Variants in DGKB observed in about 807,000 individuals in gnomAD.
DGKB encodes the protein 90 kDa diacylglycerol kinase.
In DGKB, 67 loss-of-function variants were observed where a neutral mutation model predicts 114.3. The observed-to-expected ratio is 0.59, with a 90% CI of 0.48 to 0.72. The LOEUF (loss-of-function observed/expected upper bound fraction) is 0.72. Ranked by LOEUF, DGKB falls within the 30% of genes least tolerant of loss-of-function variation. The probability of loss-of-function intolerance (pLI) is 0.00; values close to 1 mark genes in which losing one functional copy is unlikely to be tolerated. For synonymous variants in DGKB, 398 were observed against 323.1 expected (o/e 1.23, Z -2.49); for missense variants, 907 against 975.2 (o/e 0.93, Z 0.93).
chr7:14,231,127 CTT>C (rs1554297195), intron 23 of DGKB, among the ~76,000 whole-genome samples: 1 of 125,100 alleles, frequency 8.0e-6, no homozygotes, highest in African/African-American at 3.1e-5. Flanking sequence ...TTCTTTCTTT[CTT>C]TCTTTCTTTC....
intron 14 of DGKB, among the ~76,000 whole-genome samples, chr7:14,629,366 A>G (rs1405860847): frequency 6.6e-6 from 1 of 151,980 alleles, no homozygotes; most frequent in Admixed American, 6.6e-5. Context: ...GTTAAAAATG[A>G]GAACTTTTTT....
Position 14,411,772 on chromosome 7 carries a change from T to C in DGKB, c.1836-66381A>G, listed in dbSNP as rs1444657539. 1.9e-4 allele frequency among the ~76,000 whole-genome samples: 2 copies of C among 10,674 alleles called. 1 individual carries two copies. Among genetic ancestry groups the C allele is most frequent in the Admixed American group, 1.3e-3 (2 of 1,566 alleles). 7.0% of individuals were successfully genotyped at this position (10,674 alleles called of 152,430 possible). A position where few individuals can be genotyped will look rare whatever the true frequency, so the allele number is the denominator to read the frequency against. On this transcript the variant is annotated intron_variant, in intron 21 of 25. Transcript: ENST00000402815. Reference sequence around the variant, plus strand: ...ATCTTTCTCCCCTACCTCTTTCTTTTTTTTCTGGAAATAATTATAGATACA... The same window carrying C: ...ATCTTTCTCCCCTACCTCTTTCTTTCTTTTCTGGAAATAATTATAGATACA...
At chr7:14,402,426 A>T (rs535304093) in intron 21 of DGKB, among the ~76,000 whole-genome samples, 1 of 151,958 alleles carries the variant, frequency 6.6e-6, no homozygotes, top group Non-Finnish European at 1.5e-5. Flanking sequence ...TTGACTGCTA[A>T]TACAATTCTT....
chr7:14,414,468 C>T (rs554355171), intron 21 of DGKB, among the ~76,000 whole-genome samples: 1 of 152,066 alleles, frequency 6.6e-6, no homozygotes, highest in East Asian at 1.9e-4. Flanking sequence ...AGCCAGGCAC[C>T]GGGTTTGGTT....
At chr7:14,846,140 CT>C (rs560346754) in intron 1 of DGKB, among the ~76,000 whole-genome samples, 157 of 152,322 alleles carry the variant, frequency 1.0e-3, no homozygotes, top group Middle Eastern at 6.8e-3. Flanking sequence ...TGATCTACCC[CT>C]ATTTGCATTT....
In DGKB at chr7:14,422,249, G is replaced by A. The variant is rs150014142; in HGVS notation, c.1835+55912C>T. On this transcript the variant is annotated intron_variant, in intron 21 of 25. Transcript: ENST00000402815. ...CGCTGTACTTCAGAATTTGCCTGCTGGCCTCTAAAAAGCCAAGGAAGGGGT... is the reference window on the plus strand; with the variant it reads ...CGCTGTACTTCAGAATTTGCCTGCTAGCCTCTAAAAAGCCAAGGAAGGGGT... 1.3e-3 allele frequency among the ~76,000 whole-genome samples: 193 copies of A among 152,058 alleles called. 1 individual carries two copies. Among genetic ancestry groups the A allele is most frequent in the African/African-American group, 4.5e-3 (186 of 41,522 alleles).
intron 12 of DGKB, 141 bp from the exon 13 acceptor site, chr7:14,673,168 A>C (rs1039069717): frequency 3.5e-6 from 2 of 573,896 alleles, no homozygotes; most frequent in African/African-American, 3.8e-5. Context: ...AGAGTCATAA[A>C]GGAATTCATA....
rs116936966 is a variant in DGKB at position 14,419,560 on chromosome 7, C to T, written c.1835+58601G>A. Among the ~76,000 whole-genome samples, 1,266 of 151,232 alleles carry T rather than the reference C, an allele frequency of 8.4e-3. 17 individuals are homozygous for T. The highest frequency in any genetic ancestry group is 0.027 in the African/African-American group (1,120 of 41,252). ...TGTTACTTAGTGAGGGTTTGGTGAT[C>T]GTTACCAGCTTCCACATTATCCTTA... On this transcript the variant is annotated intron_variant, in intron 21 of 25. Coordinates refer to ENST00000402815, the MANE Select transcript of DGKB (RefSeq NM_001350709.2).
At chr7:14,300,835 C>G (rs1407074596) in intron 23 of DGKB, among the ~76,000 whole-genome samples, 1 of 152,000 alleles carries the variant, frequency 6.6e-6, no homozygotes, top group Non-Finnish European at 1.5e-5. Context: ...TTTAAGGTAC[C>G]TCATTTCAAC....
chr7:14,348,362 C>T (rs778710783), intron 21 of DGKB, among the ~76,000 whole-genome samples: 10 of 151,956 alleles, frequency 6.6e-5, no homozygotes, highest in Non-Finnish European at 1.3e-4. Flanking sequence ...GGTATGAATG[C>T]ATCATAGCAA....
chr7:14,843,361 T>C (rs1001036379), intron 1 of DGKB, among the ~76,000 whole-genome samples: 1 of 134,162 alleles, frequency 7.5e-6, no homozygotes, highest in African/African-American at 2.8e-5. Context: ...GGAGTCTCGC[T>C]CTGTCGCCCA....
Position 14,698,153 on chromosome 7 carries a change from A to T in DGKB, c.533T>A (p.Ile178Asn). The part of the protein sequence containing the change: ...FLDSSELENI[I>N]SQMMHVAEYL... ...TTCTGCAACATGCATCATCTGACTG[A>T]TGATATTTTCTAGCTCCTGGAAGAG... Residue 178 changes from isoleucine (I) to asparagine (N), a missense_variant, in exon 8 of 26, where the codon ATC (isoleucine) becomes AAC (asparagine). Physicochemically the swap from Ile to Asn is moderately radical, Grantham distance 149 (BLOSUM62 -3). Coordinates refer to ENST00000402815, the MANE Select transcript of DGKB (RefSeq NM_001350709.2). 6.5e-7 allele frequency: 1 copy of T among 1,532,180 alleles called. No homozygotes were observed. Among genetic ancestry groups the T allele is most frequent in the African/African-American group, 1.4e-5 (1 of 70,352 alleles). The allele number at this position is 1,532,180 out of a possible 1,614,324, so 94.9% of individuals were successfully genotyped here.
intron 15 of DGKB, among the ~76,000 whole-genome samples, chr7:14,619,635 A>G (rs377059458): frequency 5.3e-5 from 8 of 151,810 alleles, no homozygotes; most frequent in African/African-American, 1.9e-4. Context: ...ATGTTAAAAA[A>G]TTTTAAGCAA....
intron 21 of DGKB, among the ~76,000 whole-genome samples, chr7:14,475,583 A>T (rs1451523403): frequency 2.0e-5 from 3 of 152,148 alleles, no homozygotes; most frequent in Non-Finnish European, 1.5e-5. Context: ...CTGGTTCTTG[A>T]ACTCGCAATA....
At chr7:14,636,736 T>C (rs1466780638) in intron 13 of DGKB, among the ~76,000 whole-genome samples, 1 of 151,930 alleles carries the variant, frequency 6.6e-6, no homozygotes, top group Non-Finnish European at 1.5e-5. Flanking sequence ...AAGCAATTAT[T>C]GGTTTAACCC....
At chr7:14,212,979 C>A (rs1393649380) in intron 23 of DGKB, among the ~76,000 whole-genome samples, 2 of 151,960 alleles carry the variant, frequency 1.3e-5, no homozygotes, top group Non-Finnish European at 2.9e-5. Flanking sequence ...CACTCCTAAT[C>A]CTTGGGCATC....
In DGKB at chr7:14,145,450, G is replaced by A. The variant is rs1781379743; in HGVS notation, c.*3681C>T. The A allele has an allele frequency of 7.7e-6, 1 of 129,416 alleles. No homozygotes were observed. The highest frequency in any genetic ancestry group is 2.7e-5 in the African/African-American group (1 of 37,082). The allele number at this position is 129,416 out of a possible 1,614,324, so 8.0% of individuals were successfully genotyped here. A position where few individuals can be genotyped will look rare whatever the true frequency, so the allele number is the denominator to read the frequency against. On this transcript the variant is annotated 3_prime_UTR_variant, in exon 26 of 26. Transcript: ENST00000402815. ...ATCCTTTGGGGGTTATACGTGCCAT[G>A]AAAAGTACATTTTCCTTTTTTTTTT...
intron 2 of DGKB, among the ~76,000 whole-genome samples, chr7:14,764,095 T>G (rs1196171134): frequency 1.3e-5 from 2 of 151,934 alleles, no homozygotes; most frequent in African/African-American, 4.8e-5. Flanking sequence ...AGACTTTTCC[T>G]GTGCTCAGCA....
chr7:14,462,894 A>G (rs1313882242), intron 21 of DGKB, among the ~76,000 whole-genome samples: 5 of 152,210 alleles, frequency 3.3e-5, no homozygotes, highest in African/African-American at 1.2e-4. Flanking sequence ...CAAAACAGAT[A>G]TATAAACCAA....
Sources: gnomAD v4.1 joint callset for allele counts (sites outside exome capture counted in the v4.1 genomes callset) on GRCh38, gnomAD v4.1.1 for gene constraint, MANE v1.5 for transcripts, NCBI Gene and HGNC (gene_info 2026-07-23, HGNC 2026-07-21) for gene names.